The following NCKAP5 variants were observed in gnomAD, a reference collection of about 807,000 sequenced individuals.
NCKAP5 encodes the protein nck-associated protein 5.
A neutral mutation model predicts 167.0 loss-of-function variants in NCKAP5; 92 were observed. The ratio of observed to expected loss-of-function variants is 0.55; its 90% CI spans 0.47 to 0.66. The LOEUF (loss-of-function observed/expected upper bound fraction) is 0.66. Ranked by LOEUF, NCKAP5 falls within the 30% of genes least tolerant of loss-of-function variation. The pLI, the probability that NCKAP5 is intolerant of heterozygous loss-of-function variation, is 0.00. For synonymous variants in NCKAP5, 891 were observed against 877.4 expected (o/e 1.02, Z -0.27); for missense variants, 2,378 against 2,315.0 (o/e 1.03, Z -0.56).
At chr2:132,968,350 A>T (rs2076729214) in intron 7 of NCKAP5, among the ~76,000 whole-genome samples, 1 of 152,218 alleles carries the variant, frequency 6.6e-6, no homozygotes, top group African/African-American at 2.4e-5. Context: ...AATATTTTGA[A>T]GGGATTGAAT....
chr2:133,516,841 C>T (rs1015550289), intron 3 of NCKAP5, among the ~76,000 whole-genome samples: 7 of 152,190 alleles, frequency 4.6e-5, no homozygotes, highest in African/African-American at 1.4e-4. Flanking sequence ...AGGTGACCCA[C>T]ACATGTTGGC....
intron 3 of NCKAP5, among the ~76,000 whole-genome samples, chr2:133,460,879 A>G (rs960843812): frequency 7.2e-5 from 11 of 152,214 alleles, no homozygotes; most frequent in Non-Finnish European, 1.5e-5. Flanking sequence ...GCCAAAATAG[A>G]GAATTTATAA....
At chr2:133,333,366 C>A (rs915429616) in intron 3 of NCKAP5, among the ~76,000 whole-genome samples, 1 of 152,108 alleles carries the variant, frequency 6.6e-6, no homozygotes, top group Admixed American at 6.5e-5. Flanking sequence ...GGAAAGGCTA[C>A]GGAGTCACTG....
chr2:133,190,028 T>C (rs192058193), intron 5 of NCKAP5, among the ~76,000 whole-genome samples: 12 of 152,228 alleles, frequency 7.9e-5, no homozygotes, highest in African/African-American at 1.9e-4. Flanking sequence ...GAAAACCCCA[T>C]CATCTCAACC....
chr2:133,044,223 C>A (rs745788946), intron 6 of NCKAP5, among the ~76,000 whole-genome samples: 1 of 151,924 alleles, frequency 6.6e-6, no homozygotes, highest in Admixed American at 6.6e-5. Flanking sequence ...GTACAAATAG[C>A]AAAGGAAAAG....
intron 2 of NCKAP5, among the ~76,000 whole-genome samples, chr2:133,531,500 G>A (rs755271699): frequency 9.9e-5 from 15 of 151,986 alleles, no homozygotes; most frequent in Non-Finnish European, 1.3e-4. Flanking sequence ...GGTTCTAAAT[G>A]TGCTTATTTT....
At position 132,854,065 on chromosome 2, in the gene NCKAP5, A is replaced by T. The variant is rs183585053; in HGVS notation, c.807+6427T>A. 2.2e-4 allele frequency among the ~76,000 whole-genome samples: 33 copies of T among 152,312 alleles called. No individual in the cohort carries two copies. In the East Asian group the frequency reaches 5.4e-3, roughly 25 times the overall value. ...GTTCACTCAGCATTTATTGAGGCTC[A>T]CGTGTATTCCAGTTGTGTACTAGGA... On this transcript the variant is annotated intron_variant, in intron 11 of 19. Transcript: ENST00000409261.
At position 132,784,104 on chromosome 2, in the gene NCKAP5, A is replaced by G; in HGVS notation, c.2707T>C (p.Ser903Pro). The G allele has an allele frequency of 6.6e-7, 1 of 1,521,244 alleles. No homozygotes were observed. The highest frequency in any genetic ancestry group is 8.8e-7 in the Non-Finnish European group (1 of 1,136,960). The allele number at this position is 1,521,244 out of a possible 1,614,324, so 94.2% of individuals were successfully genotyped here. A position where few individuals can be genotyped will look rare whatever the true frequency, so the allele number is the denominator to read the frequency against. The change falls in exon 14 of 20, where the codon TCT becomes CCT. Residue 903 changes from serine to proline, a missense_variant. This residue lies in a region of NCKAP5 where 1,325 missense variants were observed against 1,274.5 expected (regional missense o/e 1.04). Transcript: ENST00000409261. ...GTGGGGGGCTCTCCACTGTCACTAG[A>G]CTCAATGGCAGGCCTTGACCGTGAC... ...PGSRSRPAIE[S>P]SDSGEPPTRD...
At chr2:133,385,300 A>G (rs1179150140) in intron 3 of NCKAP5, among the ~76,000 whole-genome samples, 1 of 152,200 alleles carries the variant, frequency 6.6e-6, no homozygotes, top group African/African-American at 2.4e-5. Context: ...ATCTACTGAG[A>G]TAATCATGTG....
intron 8 of NCKAP5, among the ~76,000 whole-genome samples, chr2:132,880,713 A>G (rs1691680143): frequency 6.6e-6 from 1 of 152,206 alleles, no homozygotes; most frequent in Admixed American, 6.5e-5. Flanking sequence ...TACATTCTAT[A>G]CCTGTAACAA....
intron 11 of NCKAP5, among the ~76,000 whole-genome samples, chr2:132,804,505 G>A (rs1685281532): frequency 6.6e-6 from 1 of 152,078 alleles, no homozygotes; most frequent in Non-Finnish European, 1.5e-5. Flanking sequence ...CCTTTTACAT[G>A]TGGGGGAACA....
chr2:133,445,155 C>A (rs1691113826), intron 3 of NCKAP5, among the ~76,000 whole-genome samples: 1 of 151,750 alleles, frequency 6.6e-6, no homozygotes, highest in African/African-American at 2.4e-5. Flanking sequence ...GTTTTACTGT[C>A]ATGAAACAGT....
chr2:132,778,188 A>G (rs1682715017), intron 15 of NCKAP5, among the ~76,000 whole-genome samples: 1 of 152,130 alleles, frequency 6.6e-6, no homozygotes, highest in Non-Finnish European at 1.5e-5. Flanking sequence ...ATGATTTTAT[A>G]TAATTTAAAT....
chr2:132,903,171 T>C (rs1016481761), intron 8 of NCKAP5, among the ~76,000 whole-genome samples: 1 of 152,102 alleles, frequency 6.6e-6, no homozygotes, highest in Non-Finnish European at 1.5e-5. Context: ...GAGCTGCAGC[T>C]CCCACCCCCC....
intron 9 of NCKAP5, among the ~76,000 whole-genome samples, chr2:132,876,472 T>C (rs550661709): frequency 6.6e-6 from 1 of 152,350 alleles, no homozygotes; most frequent in African/African-American, 2.4e-5. Context: ...AAAACTTACA[T>C]AAGGCCTTAC....
chr2:133,606,790 A>G, the NCKAP5 span, among the ~76,000 whole-genome samples: 2 of 151,338 alleles, frequency 1.3e-5, no homozygotes, highest in Non-Finnish European at 2.9e-5. Context: ...TTTTCTACAT[A>G]CTGAAACCAC....
At chr2:132,867,097 G>C (rs1690414372) in intron 10 of NCKAP5, among the ~76,000 whole-genome samples, 2 of 148,062 alleles carry the variant, frequency 1.4e-5, no homozygotes, top group African/African-American at 5.1e-5. Flanking sequence ...CTGTTTACTA[G>C]TTATTACTTG....
At chr2:133,571,398 C>T (rs1051036495), upstream of NCKAP5, among the ~76,000 whole-genome samples, 7 of 152,026 alleles carry the variant, frequency 4.6e-5, no homozygotes, top group Non-Finnish European at 8.8e-5. Flanking sequence ...CTCACCACCT[C>T]TACCTACTAG....
chr2:133,531,657 GA>G (rs1245445220), intron 2 of NCKAP5, among the ~76,000 whole-genome samples: 1 of 152,128 alleles, frequency 6.6e-6, no homozygotes, highest in Non-Finnish European at 1.5e-5. Flanking sequence ...GACTTCAGTA[GA>G]ATTAGTAGTA....
Sources: gnomAD v4.1 joint callset for allele counts (sites outside exome capture counted in the v4.1 genomes callset) on GRCh38, gnomAD v4.1.1 for gene constraint, gnomAD v4.1.1 regional missense constraint, MANE v1.5 for transcripts, NCBI Gene and HGNC (gene_info 2026-07-23, HGNC 2026-07-21) for gene names.